Variants in TUT4 observed in about 807,000 individuals in gnomAD.
TUT4 encodes the protein terminal uridylyl transferase 4.
TUT4 carries 36 observed loss-of-function variants against 192.2 expected under a neutral mutation model. The observed-to-expected ratio is 0.19, with a 90% CI of 0.14 to 0.25. The LOEUF (loss-of-function observed/expected upper bound fraction) is 0.25, where lower values mean the gene tolerates loss of function less well. Ranked by LOEUF, TUT4 falls within the 10% of genes least tolerant of loss-of-function variation. TUT4 has a pLI of 1.00. For synonymous variants in TUT4, 618 were observed against 666.0 expected, an observed-to-expected ratio of 0.93 and a Z score of 1.11; for missense variants, 1,493 against 1,957.2, an observed-to-expected ratio of 0.76 and a Z score of 4.47.
intron 15 of TUT4, among the ~76,000 whole-genome samples, chr1:52,467,971 GATATA>G (rs1305578100): frequency 6.6e-6 from 1 of 152,012 alleles, no homozygotes; most frequent in African/African-American, 2.4e-5. Flanking sequence ...ATTATTTGCT[GATATA>G]ATATTATATA....
In TUT4 at chr1:52,537,646, C is replaced by T. The variant is rs1395950210; in HGVS notation, c.-93-11273G>A. Among the ~76,000 whole-genome samples the T allele has an allele frequency of 7.2e-5, 11 of 152,192 alleles. No individual in the cohort carries two copies. In the South Asian group the frequency reaches 2.3e-3, roughly 32 times the overall value. ...TAATTTGACTGGCTCAGCGCGGTGG[C>T]TCATGCCTGTAATCTCAGCACTTCG... On this transcript the variant is annotated intron_variant, in intron 1 of 29. Coordinates refer to ENST00000257177, the MANE Select transcript of TUT4 (RefSeq NM_001009881.3).
Position 52,439,483 on chromosome 1 carries a change from G to A in TUT4, c.3823-1148C>T, listed in dbSNP as rs550201732. 6.6e-5 allele frequency among the ~76,000 whole-genome samples: 10 copies of A among 152,266 alleles called. No homozygotes were observed. In the South Asian group the frequency reaches 2.1e-3, roughly 32 times the overall value. On this transcript the variant is annotated intron_variant, in intron 24 of 29. Transcript: ENST00000257177. ...CTTTAGCTTAGTTTTGCACTGTCAC[G>A]AAGACTAGTTGGTCCTAACAGTGTC...
At chr1:52,432,840 G>T (rs894220668) in intron 27 of TUT4, 1 of 152,386 alleles carries the variant, frequency 6.6e-6, no homozygotes, top group African/African-American at 2.4e-5. Context: ...AGAATCACCC[G>T]AGCCTGGGAG....
chr1:52,527,153 G>C (rs924818544), intron 1 of TUT4, among the ~76,000 whole-genome samples: 3 of 152,126 alleles, frequency 2.0e-5, no homozygotes, highest in African/African-American at 7.2e-5. Flanking sequence ...AGCCTACCTC[G>C]AACTTACCTC....
intron 4 of TUT4, among the ~76,000 whole-genome samples, chr1:52,498,457 T>A (rs905701100): frequency 6.6e-6 from 1 of 151,898 alleles, no homozygotes; most frequent in Admixed American, 6.6e-5. Flanking sequence ...TGTTAGCCAG[T>A]ATGGTCCCCA....
rs79572473 is a variant in TUT4, at chr1:52,462,587, T to G, written c.3070-818A>C. The G allele has an allele frequency of 4.7e-4, 154 of 327,926 alleles. 1 individual carries two copies. The East Asian group carries it at 0.023, about 50-fold the overall frequency. The allele number at this position is 327,926 out of a possible 1,614,324, so 20.3% of individuals were successfully genotyped here. On this transcript the variant is annotated intron_variant, in intron 16 of 29. Transcript: ENST00000257177. ...CTATAAAATCAAGATAATCATAAAC[T>G]CCTGTCCTGCAGAGCTGTTGGGAGG...
At chr1:52,458,500 G>T in intron 19 of TUT4, 51 bp from the exon 20 acceptor site, 1 of 1,380,866 alleles carries the variant, frequency 7.2e-7, no homozygotes, top group Non-Finnish European at 1.0e-6. Flanking sequence ...ACTCCATGCA[G>T]AAGTATATTA....
intron 19 of TUT4, among the ~76,000 whole-genome samples, chr1:52,460,738 A>G (rs1662322918): frequency 6.6e-6 from 1 of 152,238 alleles, no homozygotes; most frequent in African/African-American, 2.4e-5. Context: ...AACAAGTGTT[A>G]TAATAGGAGA....
intron 28 of TUT4, among the ~76,000 whole-genome samples, chr1:52,428,402 G>A (rs781586814): frequency 9.2e-5 from 14 of 152,114 alleles, no homozygotes; most frequent in East Asian, 3.9e-4. Flanking sequence ...CGAGGCAGGC[G>A]GATAATTTGA....
intron 14 of TUT4, among the ~76,000 whole-genome samples, chr1:52,470,768 C>A (rs78108584): frequency 0.033 from 5,021 of 152,018 alleles, 280 homozygotes; most frequent in African/African-American, 0.12. Flanking sequence ...AAGAAGGGAG[C>A]GATTACAATG....
At chr1:52,502,142 T>A (rs1434593146) in intron 4 of TUT4, among the ~76,000 whole-genome samples, 2 of 144,018 alleles carry the variant, frequency 1.4e-5, no homozygotes, top group African/African-American at 2.7e-5. Flanking sequence ...ATAAAAAAAT[T>A]TCAAAAAAAA....
In TUT4 at chr1:52,526,199, C is replaced by T. The variant is rs137993774; in HGVS notation, c.82G>A (p.Val28Ile). The change falls in exon 2 of 30, where the codon GTT (valine) becomes ATT (isoleucine). Residue 28 changes from valine to isoleucine, a missense_variant. By Grantham distance (29) the Val-to-Ile change is conservative (BLOSUM62 3). Transcript: ENST00000257177. ...VICEESKAVQ[V>I]IGNQTLKARN... ...GCTTTCAATGTTTGATTACCTATAACTTGAACTGCTTTGCTTTCTTCACAA... is the reference window on the plus strand; with the variant it reads ...GCTTTCAATGTTTGATTACCTATAATTTGAACTGCTTTGCTTTCTTCACAA... 50 of 1,607,708 alleles carry T rather than the reference C, an allele frequency of 3.1e-5. No homozygotes were observed. In the African/African-American group the frequency reaches 5.5e-4, roughly 18 times the overall value.
At chr1:52,542,773 T>TTTA (rs1558021679) in intron 1 of TUT4, among the ~76,000 whole-genome samples, 3 of 151,462 alleles carry the variant, frequency 2.0e-5, no homozygotes, top group Admixed American at 6.6e-5. Context: ...TTATTTATTT[T>TTTA]TTTTTGAGGC....
rs1048395800 is a variant in TUT4 at position 52,425,329 on chromosome 1, T to C, written c.4870+20A>G. 5.6e-6 allele frequency: 9 copies of C among 1,608,796 alleles called. No individual in the cohort carries two copies. In the African/African-American group the frequency reaches 1.1e-4, roughly 19 times the overall value. On this transcript the variant is annotated intron_variant, in intron 29 of 29. Coordinates refer to ENST00000257177, the MANE Select transcript of TUT4 (RefSeq NM_001009881.3). Reference sequence around the variant, plus strand: ...ATAAAACCCACCCAAGCCTGTTAACTAATTTGTAAGCAGTGGTACCTTGAG... The same window carrying C: ...ATAAAACCCACCCAAGCCTGTTAACCAATTTGTAAGCAGTGGTACCTTGAG...
chr1:52,508,734 GAGCTAAGACCTAGAGA>G (rs1676310129), intron 4 of TUT4, among the ~76,000 whole-genome samples: 1 of 152,168 alleles, frequency 6.6e-6, no homozygotes, highest in Admixed American at 6.5e-5. Context: ...GAAGATACAT[GAGCTAAGACCTAGAGA>G]TAAGAGGTTA....
chr1:52,475,400 A>G lies in TUT4; in HGVS notation c.2159T>C (p.Val720Ala), dbSNP rs945849629. The part of the protein sequence containing the change: ...PQTKGGNKST[V>A]DFKKREKGKI... ...CCCCTTCTCTCTTTTCTTGAAATCC[A>G]CTGTAGACTTATTTCCACCCTTCGT... Residue 720 changes from valine to alanine, a missense_variant, in exon 13 of 30, where the codon GTG (valine) becomes GCG (alanine). Physicochemically the swap from Val to Ala is moderately conservative, Grantham distance 64. Transcript: ENST00000257177. 1.1e-5 allele frequency: 17 copies of G among 1,613,916 alleles called. No individual in the cohort carries two copies. Among genetic ancestry groups the G allele is most frequent in the Admixed American group, 8.3e-5 (5 of 59,996 alleles).
chr1:52,470,373 A>C (rs1170030203), intron 14 of TUT4, among the ~76,000 whole-genome samples: 1 of 152,180 alleles, frequency 6.6e-6, no homozygotes, highest in African/African-American at 2.4e-5. Context: ...AATAAATGTA[A>C]ATTGTATCTT....
chr1:52,505,367 G>A (rs768590231), intron 4 of TUT4, among the ~76,000 whole-genome samples: 2 of 149,564 alleles, frequency 1.3e-5, no homozygotes, highest in Non-Finnish European at 3.0e-5. Context: ...CAGCTTTGTA[G>A]ATGTCTTTAT....
At chr1:52,484,468 T>C (rs976891826) in intron 9 of TUT4, among the ~76,000 whole-genome samples, 2 of 152,162 alleles carry the variant, frequency 1.3e-5, no homozygotes, top group African/African-American at 4.8e-5. Flanking sequence ...CCCCTACCAC[T>C]GGATACTGAG....
Sources: gnomAD v4.1 joint callset for allele counts (sites outside exome capture counted in the v4.1 genomes callset) on GRCh38, gnomAD v4.1.1 for gene constraint, MANE v1.5 for transcripts, NCBI Gene and HGNC (gene_info 2026-07-23, HGNC 2026-07-21) for gene names.